MAF: variants seen among roughly 807,000 people sequenced by gnomAD.
MAF encodes the protein transcription factor Maf.
A neutral mutation model predicts 22.0 loss-of-function variants in MAF; 10 were observed. That is an observed-to-expected ratio of 0.45 (90% CI 0.28 to 0.77). The LOEUF is 0.77. Ranked by LOEUF, MAF falls within the 30% of genes least tolerant of loss-of-function variation. The pLI is 0.12. For synonymous variants in MAF, 337 were observed against 255.8 expected (o/e 1.32, Z -3.03); for missense variants, 544 against 548.4 (o/e 0.99, Z 0.08).
chr16:79,595,146 A>T, intron 1 of MAF: 1 of 1,041,318 alleles, frequency 9.6e-7, no homozygotes, highest in Non-Finnish European at 1.2e-6. Context: ...AAAAGGAAAG[A>T]AATATCTGAA....
At chr16:79,446,113 GA>G in the MAF span, among the ~76,000 whole-genome samples, 2 of 152,290 alleles carry the variant, frequency 1.3e-5, no homozygotes, top group East Asian at 1.9e-4. Context: ...GGGCAGAGGG[GA>G]AAGGAGGAAG....
the MAF span, among the ~76,000 whole-genome samples, chr16:79,310,403 G>A: frequency 8.5e-5 from 13 of 152,180 alleles, no homozygotes; most frequent in African/African-American, 3.1e-4. Context: ...GAGACAGACA[G>A]AGAGAGAGAA....
In MAF at chr16:79,594,491, T is replaced by C. The variant is rs374681006; in HGVS notation, c.1181A>G (p.His394Arg). Residue 394 changes from histidine (H) to arginine (R), a missense_variant, in exon 2 of 2, where the codon CAT becomes CGT. His to Arg is a conservative substitution (Grantham distance 29). Transcript: ENST00000326043. Reference protein sequence around the residue: ...VGYATFWKPQHRVLTSVFTK With the variant: ...VGYATFWKPQRRVLTSVFTK ...TGTGAACACACTGGTAAGTACACGA[T>C]GCTGGGGCTTCCAAAATGTGGCGTA... is the stretch of plus-strand genomic sequence containing the variant. 53 of 1,566,000 alleles carry C rather than the reference T, an allele frequency of 3.4e-5. No individual in the cohort carries two copies. The African/African-American group carries it at 5.0e-4, about 15-fold the overall frequency.
At chr16:79,212,055 C>T in the MAF span, 64 of 1,536,382 alleles carry the variant, frequency 4.2e-5, no homozygotes, top group South Asian at 7.4e-4. Flanking sequence ...AAAGTAAAAA[C>T]CTGCTTGGTG....
chr16:79,393,105 T>C, the MAF span, among the ~76,000 whole-genome samples: 1 of 152,266 alleles, frequency 6.6e-6, no homozygotes, highest in Non-Finnish European at 1.5e-5. Flanking sequence ...AGGAAATCTA[T>C]GCAGAGAGGA....
intron 1 of MAF, chr16:79,597,245 A>G: frequency 9.5e-7 from 1 of 1,049,784 alleles, no homozygotes; most frequent in Non-Finnish European, 1.2e-6. Context: ...TATCTATAAC[A>G]TTCCTTTATC....
chr16:79,299,435 A>G, the MAF span, among the ~76,000 whole-genome samples: 24 of 152,204 alleles, frequency 1.6e-4, no homozygotes, highest in African/African-American at 5.8e-4. Flanking sequence ...AGTCTCTATT[A>G]AGATAACAAA....
the MAF span, among the ~76,000 whole-genome samples, chr16:79,381,038 A>G: frequency 6.6e-6 from 1 of 152,276 alleles, no homozygotes; most frequent in African/African-American, 2.4e-5. Context: ...CCTGAAGGGC[A>G]GGCTGGCAGG....
At chr16:79,527,133 G>C in the MAF span, among the ~76,000 whole-genome samples, 6 of 152,154 alleles carry the variant, frequency 3.9e-5, no homozygotes, top group African/African-American at 1.4e-4. Flanking sequence ...TTGTGGTTTA[G>C]TGAACTTGCC....
the MAF span, among the ~76,000 whole-genome samples, chr16:79,381,077 G>A: frequency 6.6e-6 from 1 of 152,258 alleles, no homozygotes; most frequent in Non-Finnish European, 1.5e-5. Flanking sequence ...TCCCTGAACA[G>A]AATGAAGGGC....
chr16:79,404,780 T>C, the MAF span, among the ~76,000 whole-genome samples: 10 of 152,236 alleles, frequency 6.6e-5, no homozygotes, highest in South Asian at 2.1e-3. Flanking sequence ...GCGTGTAAAC[T>C]CAGCTTCCTG....
At chr16:79,434,304 G>A in the MAF span, among the ~76,000 whole-genome samples, 8 of 152,186 alleles carry the variant, frequency 5.3e-5, no homozygotes, top group East Asian at 5.8e-4. Context: ...ACACGGTGAC[G>A]TGCTTATAAA....
the MAF span, among the ~76,000 whole-genome samples, chr16:79,484,222 TCCCCTGA>T: frequency 6.6e-6 from 1 of 152,114 alleles, no homozygotes; most frequent in Non-Finnish European, 1.5e-5. Flanking sequence ...ACCGTCCAGG[TCCCCTGA>T]GAATCCACTG....
At chr16:79,441,854 C>T in the MAF span, among the ~76,000 whole-genome samples, 37 of 152,214 alleles carry the variant, frequency 2.4e-4, no homozygotes, top group Non-Finnish European at 4.3e-4. Context: ...TTAAGAATGT[C>T]GAGGTAAAAT....
the MAF span, among the ~76,000 whole-genome samples, chr16:79,228,473 T>C: frequency 1.3e-5 from 2 of 152,040 alleles, no homozygotes; most frequent in Non-Finnish European, 1.5e-5. Flanking sequence ...CACTGATAAT[T>C]CTCAAAGCTT....
chr16:79,453,491 C>A, the MAF span, among the ~76,000 whole-genome samples: 2 of 152,326 alleles, frequency 1.3e-5, no homozygotes, highest in African/African-American at 2.4e-5. Context: ...ATTTATAATT[C>A]ATTCCATCTT....
At chr16:79,440,423 TTTCTTTC>T in the MAF span, among the ~76,000 whole-genome samples, 4 of 152,176 alleles carry the variant, frequency 2.6e-5, no homozygotes, top group Non-Finnish European at 4.4e-5. Context: ...AACTAATTTC[TTTCTTTC>T]TTCTTTCTTC....
the MAF span, among the ~76,000 whole-genome samples, chr16:79,323,083 G>C: frequency 5.7e-5 from 8 of 140,148 alleles, no homozygotes; most frequent in Admixed American, 2.3e-4. Context: ...CTGGGAGGCA[G>C]AGCTTGCAGT....
At chr16:79,385,216 C>G in the MAF span, among the ~76,000 whole-genome samples, 1 of 152,204 alleles carries the variant, frequency 6.6e-6, no homozygotes, top group South Asian at 2.1e-4. Context: ...ATATACAGCC[C>G]AAATAAATTC....
Sources: gnomAD v4.1 joint callset for allele counts (sites outside exome capture counted in the v4.1 genomes callset) on GRCh38, gnomAD v4.1.1 for gene constraint, MANE v1.5 for transcripts, NCBI Gene and HGNC (gene_info 2026-07-23, HGNC 2026-07-21) for gene names.